Variants in C1orf198 observed in about 807,000 individuals in gnomAD.
C1orf198 encodes the protein uncharacterized protein C1orf198.
Under a neutral mutation model 31.4 loss-of-function variants are expected in C1orf198, and 17 were observed. The observed-to-expected ratio is 0.54, with a 90% CI of 0.37 to 0.81. The LOEUF is 0.81. Among genes scored for constraint, C1orf198 ranks in the 40% least tolerant of loss-of-function variants. The pLI is 0.00. For missense variants in C1orf198, 401 were observed against 450.3 expected (o/e 0.89, Z 0.99); for synonymous variants, 175 against 193.8 (o/e 0.90, Z 0.81).
In C1orf198 at chr1:230,837,296, C is replaced by T. The variant is rs1669327537; in HGVS notation, c.*2556G>A. Reference sequence around the variant, plus strand: ...GTGCGGCTCAGACGGGTGACAGACCCCCGCTGTTCCCAGTAGGGCAGCACC... The same window carrying T: ...GTGCGGCTCAGACGGGTGACAGACCTCCGCTGTTCCCAGTAGGGCAGCACC... On this transcript the variant is annotated 3_prime_UTR_variant, in exon 4 of 4. Coordinates refer to ENST00000366663, the MANE Select transcript of C1orf198 (RefSeq NM_032800.3). The T allele has an allele frequency of 6.6e-6, 1 of 152,536 alleles. No individual in the cohort carries two copies. The highest frequency in any genetic ancestry group is 2.4e-5 in the African/African-American group (1 of 41,416). 9.4% of individuals were successfully genotyped at this position (152,536 alleles called of 1,614,324 possible).
At chr1:230,867,091 A>G (rs895477136) in intron 1 of C1orf198, among the ~76,000 whole-genome samples, 3 of 152,080 alleles carry the variant, frequency 2.0e-5, no homozygotes, top group Admixed American at 2.0e-4. Context: ...ACAATCCACA[A>G]CTTCCTCGGA....
At chr1:230,847,294 A>G (rs1364312631) in intron 2 of C1orf198, among the ~76,000 whole-genome samples, 2 of 151,344 alleles carry the variant, frequency 1.3e-5, no homozygotes, top group Non-Finnish European at 2.9e-5. Flanking sequence ...AAAAAAAAAG[A>G]AAAAAAAGAA....
intron 1 of C1orf198, among the ~76,000 whole-genome samples, chr1:230,863,357 A>G (rs1304172016): frequency 6.6e-6 from 1 of 152,230 alleles, no homozygotes; most frequent in African/African-American, 2.4e-5. Flanking sequence ...GCAAAATATG[A>G]CAGGAAGTCT....
chr1:230,844,205 T>C (rs1179264770), intron 2 of C1orf198, among the ~76,000 whole-genome samples: 1 of 152,124 alleles, frequency 6.6e-6, no homozygotes, highest in African/African-American at 2.4e-5. Flanking sequence ...GGGAGGTGTC[T>C]GGATCACAGG....
chr1:230,862,624 A>G (rs1301726838), intron 1 of C1orf198, among the ~76,000 whole-genome samples: 3 of 152,236 alleles, frequency 2.0e-5, no homozygotes, highest in East Asian at 1.9e-4. Context: ...AAGGCTGCAT[A>G]CTGTATGAAT....
intron 1 of C1orf198, chr1:230,855,981 A>G: frequency 7.9e-7 from 1 of 1,268,386 alleles, no homozygotes; most frequent in Non-Finnish European, 9.9e-7. Flanking sequence ...CCCCCAATGG[A>G]CTCAGACAGA....
At chr1:230,859,759 T>C (rs977419352) in intron 1 of C1orf198, among the ~76,000 whole-genome samples, 2 of 152,196 alleles carry the variant, frequency 1.3e-5, no homozygotes, top group Admixed American at 6.5e-5. Context: ...CCCAGAGACC[T>C]TGAGTATTTG....
chr1:230,851,746 C>T (rs571945409), intron 2 of C1orf198, among the ~76,000 whole-genome samples: 11 of 152,264 alleles, frequency 7.2e-5, no homozygotes, highest in East Asian at 3.9e-4. Context: ...AGGAGGCAAC[C>T]GAGGCAGGGT....
At chr1:230,839,931 G>C (rs377377090) in intron 3 of C1orf198, 23 bp from the exon 4 acceptor site, 41 of 1,583,212 alleles carry the variant, frequency 2.6e-5, no homozygotes, top group Non-Finnish European at 3.3e-5. Context: ...CAAAAACATG[G>C]AAGTAAGACG....
intron 1 of C1orf198, among the ~76,000 whole-genome samples, chr1:230,860,573 CT>C (rs1486690529): frequency 2.6e-5 from 4 of 152,238 alleles, no homozygotes; most frequent in African/African-American, 9.6e-5. Flanking sequence ...ATGGATGAAC[CT>C]TGAAGACATT....
At chr1:230,865,011 G>A (rs569549555) in intron 1 of C1orf198, among the ~76,000 whole-genome samples, 5 of 152,298 alleles carry the variant, frequency 3.3e-5, no homozygotes, top group East Asian at 1.9e-4. Flanking sequence ...ATCAAGCAGC[G>A]TGGGTGAAAG....
At position 230,843,316 on chromosome 1, in the gene C1orf198, C is replaced by T. The variant is rs1308297261; in HGVS notation, c.927+38G>A. ...CTCTCGGTTCCCGTGGAATAAGGCA[C>T]CATCCCATCTGAGGACGCGCTGGTA... is the stretch of plus-strand genomic sequence containing the variant. On this transcript the variant is annotated intron_variant, in intron 3 of 3. Coordinates refer to ENST00000366663, the MANE Select transcript of C1orf198 (RefSeq NM_032800.3). The surrounding 1 kb of genome is among the most constrained non-coding windows in gnomAD (Gnocchi z 4.9). The T allele has an allele frequency of 1.3e-6, 2 of 1,546,622 alleles. No individual in the cohort carries two copies. Among genetic ancestry groups the T allele is most frequent in the Non-Finnish European group, 1.7e-6 (2 of 1,144,584 alleles).
At chr1:230,860,394 G>GA (rs769588537) in intron 1 of C1orf198, among the ~76,000 whole-genome samples, 4 of 152,164 alleles carry the variant, frequency 2.6e-5, no homozygotes, top group Non-Finnish European at 4.4e-5. Context: ...GGGGCTCAGA[G>GA]ATCCTTATAC....
chr1:230,861,728 G>T (rs1380109119), intron 1 of C1orf198, among the ~76,000 whole-genome samples: 1 of 152,190 alleles, frequency 6.6e-6, no homozygotes, highest in Non-Finnish European at 1.5e-5. Context: ...GATGGATAGC[G>T]CCTGCAGAGG....
chr1:230,839,723 C>T lies in C1orf198; in HGVS notation c.*129G>A, dbSNP rs1165925162. 1.1e-5 allele frequency: 9 copies of T among 811,206 alleles called. No individual in the cohort carries two copies. Among genetic ancestry groups the T allele is most frequent in the Non-Finnish European group, 1.7e-5 (9 of 524,220 alleles). The allele number at this position is 811,206 out of a possible 1,614,324, so 50.3% of individuals were successfully genotyped here. A position where few individuals can be genotyped will look rare whatever the true frequency, so the allele number is the denominator to read the frequency against. On this transcript the variant is annotated 3_prime_UTR_variant, in exon 4 of 4. Coordinates refer to ENST00000366663, the MANE Select transcript of C1orf198 (RefSeq NM_032800.3). ...AAATCTGGCAATATTGACCAGTTTC[C>T]AAATGATTAAGAAAAGAGTGTCAAG...
chr1:230,840,832 T>C lies in C1orf198; in HGVS notation c.928-924A>G, dbSNP rs1558134833. On this transcript the variant is annotated intron_variant, in intron 3 of 3. Transcript: ENST00000366663. The surrounding 1 kb of genome is among the most constrained non-coding windows in gnomAD (Gnocchi z 4.0). ...CTGTCTCAGGCCCAGTTTGGCTACATGTGAGACTGGTGCAGAGTGAGGCAA... is the reference window on the plus strand; with the variant it reads ...CTGTCTCAGGCCCAGTTTGGCTACACGTGAGACTGGTGCAGAGTGAGGCAA... Among the ~76,000 whole-genome samples, 1 of 152,350 alleles carries C rather than the reference T, an allele frequency of 6.6e-6. No homozygotes were observed. The highest frequency in any genetic ancestry group is 2.1e-4 in the South Asian group (1 of 4,826).
intron 1 of C1orf198, among the ~76,000 whole-genome samples, chr1:230,865,413 G>A (rs1670097209): frequency 6.6e-6 from 1 of 152,224 alleles, no homozygotes; most frequent in Non-Finnish European, 1.5e-5. Flanking sequence ...CACACGTGGG[G>A]ATTTTTAAAG....
Position 230,838,231 on chromosome 1 carries a change from C to T in C1orf198, c.*1621G>A, listed in dbSNP as rs1348607679. On this transcript the variant is annotated 3_prime_UTR_variant, in exon 4 of 4. Transcript: ENST00000366663. This position sits in a 1 kb window ranked among gnomAD's most constrained non-coding sequence, Gnocchi z 4.2. Reference sequence around the variant, plus strand: ...ACCATGCTGAAACCTTTTTTTGCCTCACATATATCAACTATACTTAAATGG... The same window carrying T: ...ACCATGCTGAAACCTTTTTTTGCCTTACATATATCAACTATACTTAAATGG... 1 of 152,134 alleles carries T rather than the reference C, an allele frequency of 6.6e-6. No individual in the cohort carries two copies. The highest frequency in any genetic ancestry group is 6.5e-5 in the Admixed American group (1 of 15,278). 9.4% of individuals were successfully genotyped at this position (152,134 alleles called of 1,614,324 possible). A position where few individuals can be genotyped will look rare whatever the true frequency, so the allele number is the denominator to read the frequency against.
chr1:230,866,337 G>A (rs61826309), intron 1 of C1orf198, among the ~76,000 whole-genome samples: 20,563 of 152,198 alleles, frequency 0.14, 1,487 homozygotes, highest in South Asian at 0.21. Context: ...AGCTGAGGCT[G>A]GTCAGAGGCA....
Sources: gnomAD v4.1 joint callset for allele counts (sites outside exome capture counted in the v4.1 genomes callset) on GRCh38, gnomAD v4.1.1 for gene constraint, Gnocchi (gnomAD v3.1) non-coding constraint, MANE v1.5 for transcripts, NCBI Gene and HGNC (gene_info 2026-07-23, HGNC 2026-07-21) for gene names.